The following SEMA4D variants were observed in gnomAD, a reference collection of about 807,000 sequenced individuals.
The protein encoded by SEMA4D is semaphorin-4D.
In SEMA4D, 22 loss-of-function variants were observed where a neutral mutation model predicts 74.8. The observed-to-expected ratio is 0.29, with a 90% CI of 0.21 to 0.42. The LOEUF is 0.42. Among genes scored for constraint, SEMA4D ranks in the 10% least tolerant of loss-of-function variants. SEMA4D has a pLI of 1.00. For synonymous variants in SEMA4D, 445 were observed against 463.7 expected (o/e 0.96, Z 0.52); for missense variants, 937 against 1,118.4 (o/e 0.84, Z 2.31).
chr9:89,392,507 T>C lies in SEMA4D; in HGVS notation c.538A>G (p.Asn180Asp). Residue 180 changes from asparagine to aspartate, a missense_variant, in exon 8 of 16, where the codon AAT becomes GAT. Asn to Asp is a conservative substitution (Grantham distance 23). Coordinates refer to ENST00000422704, the MANE Select transcript of SEMA4D (RefSeq NM_001371194.2). ...ATGATGGGTTCACTTCCCAAAAAAT[T>C]ATACGACGTCCCCGAATAAAGTTCT... is the stretch of plus-strand genomic sequence containing the variant. ...DGELYSGTSY[N>D]FLGSEPIISR... 1 of 1,613,836 alleles carries C rather than the reference T, an allele frequency of 6.2e-7. No individual in the cohort carries two copies. Among genetic ancestry groups the C allele is most frequent in the Non-Finnish European group, 8.5e-7 (1 of 1,179,790 alleles).
intron 6 of SEMA4D, among the ~76,000 whole-genome samples, chr9:89,394,416 G>C (rs1007884216): frequency 6.6e-6 from 1 of 152,234 alleles, no homozygotes; most frequent in Non-Finnish European, 1.5e-5. Context: ...GTGGACAAAC[G>C]AGTGAGAAAG....
Position 89,488,352 on chromosome 9 carries a change from C to CTTTT in SEMA4D, c.-310+9563_-310+9566dup, listed in dbSNP as rs1158168446. On this transcript the variant is annotated intron_variant, in intron 1 of 15. Transcript: ENST00000422704. ...AATTAACTCGAAATGGATCACAGAT[C>CTTTT]TTTTTTTTTTTTTTTTTTTTTTTTT... Among the ~76,000 whole-genome samples the CTTTT allele has an allele frequency of 4.2e-3, 265 of 62,618 alleles. 55 individuals carry two copies. The highest frequency in any genetic ancestry group is 6.8e-3 in the African/African-American group (106 of 15,648). The allele number at this position is 62,618 out of a possible 152,430, so 41.1% of individuals were successfully genotyped here.
chr9:89,432,362 T>C (rs1192927877), intron 2 of SEMA4D, among the ~76,000 whole-genome samples: 2 of 151,960 alleles, frequency 1.3e-5, no homozygotes, highest in East Asian at 3.9e-4. Flanking sequence ...CCTGGGGAGT[T>C]GGGAGCTGAG....
rs976459894 is a variant in SEMA4D, at chr9:89,418,460, C to G, written c.-243-12761G>C. 3 of 979,108 alleles carry G rather than the reference C, an allele frequency of 3.1e-6. No homozygotes were observed. The African/African-American group carries it at 5.3e-5, about 17-fold the overall frequency. 60.7% of individuals were successfully genotyped at this position (979,108 alleles called of 1,614,324 possible). A position where few individuals can be genotyped will look rare whatever the true frequency, so the allele number is the denominator to read the frequency against. ...AGTCTGTGAACCAAAAAAGTACTATCTAATTGTCTATTAGCTCCAGATATG... is the reference window on the plus strand; with the variant it reads ...AGTCTGTGAACCAAAAAAGTACTATGTAATTGTCTATTAGCTCCAGATATG... On this transcript the variant is annotated intron_variant, in intron 2 of 15. Coordinates refer to ENST00000422704, the MANE Select transcript of SEMA4D (RefSeq NM_001371194.2).
chr9:89,464,424 C>T (rs542636989), intron 1 of SEMA4D, among the ~76,000 whole-genome samples: 7 of 152,084 alleles, frequency 4.6e-5, no homozygotes, highest in Non-Finnish European at 7.4e-5. Context: ...ATTACAAGTC[C>T]AGCAGCAGGG....
At chr9:89,423,111 T>C (rs1384791612) in intron 2 of SEMA4D, among the ~76,000 whole-genome samples, 1 of 152,226 alleles carries the variant, frequency 6.6e-6, no homozygotes, top group East Asian at 1.9e-4. Flanking sequence ...TCTAAAACTT[T>C]CAGTTAGTTG....
chr9:89,457,353 G>A (rs1194933724), intron 1 of SEMA4D, among the ~76,000 whole-genome samples: 1 of 152,174 alleles, frequency 6.6e-6, no homozygotes, highest in African/African-American at 2.4e-5. Flanking sequence ...TCGTAGCAAA[G>A]CCATGGAAAC....
chr9:89,378,935 C>T lies in SEMA4D; in HGVS notation c.2358G>A (p.Glu786=), dbSNP rs759852333. 1.2e-6 allele frequency: 2 copies of T among 1,614,196 alleles called. No homozygotes were observed. The highest frequency in any genetic ancestry group is 2.2e-5 in the East Asian group (1 of 44,888). ...CTACTAACGTCTCCTTCAGGCTCTG[C>T]TCACGGTCACAGAAATCTGACTTGG... ...KKPKSDFCDR[E]QSLKETLVEP... The change falls in exon 16 of 16, where the codon GAG becomes GAA. Residue 786 remains glutamate (E), a synonymous_variant. Transcript: ENST00000422704.
chr9:89,391,302 A>C lies in SEMA4D; in HGVS notation c.736T>G (p.Phe246Val). The C allele has an allele frequency of 6.2e-7, 1 of 1,614,242 alleles. No homozygotes were observed. Among genetic ancestry groups the C allele is most frequent in the Non-Finnish European group, 8.5e-7 (1 of 1,180,042 alleles). Residue 246 changes from phenylalanine to valine, a missense_variant, in exon 9 of 16, where the codon TTC (phenylalanine) becomes GTC (valine). By Grantham distance (50) the Phe-to-Val change is conservative (BLOSUM62 -1). Transcript: ENST00000422704. ...TEVSVEYEFV[F>V]RVLIPRIARV... is the part of the protein sequence containing the mutation. ...GCTATCCGTGGGATCAGCACCCTGA[A>C]CACAAACTCATACTCCACAGACACC...
intron 2 of SEMA4D, among the ~76,000 whole-genome samples, chr9:89,435,131 C>A (rs1211963923): frequency 6.6e-6 from 1 of 152,134 alleles, no homozygotes; most frequent in African/African-American, 2.4e-5. Flanking sequence ...TGCACGGGGG[C>A]TGCACATCCC....
At chr9:89,417,163 A>T (rs1372797029) in intron 2 of SEMA4D, among the ~76,000 whole-genome samples, 1 of 152,250 alleles carries the variant, frequency 6.6e-6, no homozygotes, top group Non-Finnish European at 1.5e-5. Context: ...CAAAAAACAA[A>T]ACTCAAAGAC....
At chr9:89,472,820 A>G (rs1860724658) in intron 1 of SEMA4D, 1 of 152,910 alleles carries the variant, frequency 6.5e-6, no homozygotes, top group Non-Finnish European at 1.5e-5. Flanking sequence ...AGGGCCAGGC[A>G]TGGTGGCTCA....
At chr9:89,477,277 C>T (rs889693123) in intron 1 of SEMA4D, among the ~76,000 whole-genome samples, 13 of 143,256 alleles carry the variant, frequency 9.1e-5, no homozygotes, top group African/African-American at 3.0e-4. Flanking sequence ...CACACAAATG[C>T]TCACACACAT....
intron 1 of SEMA4D, among the ~76,000 whole-genome samples, chr9:89,461,700 C>CTCTTTTTTTTT (rs71281350): frequency 0.11 from 11,157 of 102,260 alleles, 976 homozygotes; most frequent in East Asian, 0.16. Flanking sequence ...TCTTTTTTCT[C>CTCTTTTTTTTT]TTTTTTTTTT....
intron 1 of SEMA4D, among the ~76,000 whole-genome samples, chr9:89,464,606 G>C (rs1193839361): frequency 3.3e-5 from 5 of 152,206 alleles, no homozygotes; most frequent in African/African-American, 7.2e-5. Flanking sequence ...AGAGGACAGG[G>C]ACACTGAGGA....
downstream of SEMA4D, among the ~76,000 whole-genome samples, chr9:89,375,624 C>T (rs1365873065): frequency 5.3e-5 from 8 of 152,346 alleles, no homozygotes; most frequent in East Asian, 1.2e-3. Context: ...ATCCCTCCCC[C>T]GGGGCAGGCT....
intron 2 of SEMA4D, among the ~76,000 whole-genome samples, chr9:89,452,226 T>C (rs1854751541): frequency 6.8e-6 from 1 of 146,828 alleles, no homozygotes. Flanking sequence ...TCACCCAGGC[T>C]GGAGTGCAGT....
chr9:89,394,374 G>A (rs1209713491), intron 6 of SEMA4D, among the ~76,000 whole-genome samples: 3 of 152,226 alleles, frequency 2.0e-5, no homozygotes, highest in Non-Finnish European at 4.4e-5. Flanking sequence ...AATGGCAGAT[G>A]AGGTGTCTCC....
At chr9:89,455,281 A>T (rs116726553) in intron 2 of SEMA4D, among the ~76,000 whole-genome samples, 1,909 of 152,290 alleles carry the variant, frequency 0.013, 40 homozygotes, top group African/African-American at 0.043. Context: ...CTTGAAAGGC[A>T]GGGGTGGGAG....
Sources: gnomAD v4.1 joint callset for allele counts (sites outside exome capture counted in the v4.1 genomes callset) on GRCh38, gnomAD v4.1.1 for gene constraint, MANE v1.5 for transcripts, NCBI Gene and HGNC (gene_info 2026-07-23, HGNC 2026-07-21) for gene names.